The following GUCY1A2 variants were observed in gnomAD, a reference collection of about 807,000 sequenced individuals.
GUCY1A2 encodes the protein guanylate cyclase soluble subunit alpha-2.
In GUCY1A2, 27 loss-of-function variants were observed where a neutral mutation model predicts 63.5. That is an observed-to-expected ratio of 0.43 (90% confidence interval 0.31 to 0.59). GUCY1A2 has a LOEUF of 0.59. GUCY1A2 is among the 20% of genes least tolerant of loss of function. The pLI, the probability that GUCY1A2 is intolerant of heterozygous loss-of-function variation, is 0.11. For synonymous variants in GUCY1A2, 364 were observed against 343.5 expected, an observed-to-expected ratio of 1.06 and a Z score of -0.66; for missense variants, 768 against 913.3, an observed-to-expected ratio of 0.84 and a Z score of 2.05.
Position 106,798,177 on chromosome 11 carries a change from A to G in GUCY1A2, c.1692+11816T>C, listed in dbSNP as rs189861299. Among the ~76,000 whole-genome samples the G allele has an allele frequency of 2.9e-3, 448 of 152,308 alleles. 1 individual carries two copies. Among genetic ancestry groups the G allele is most frequent in the Non-Finnish European group, 5.3e-3 (360 of 68,028 alleles). ...TAGAAAATCTAGAAGAAATGGATAA[A>G]TTCCTGGACACATACACCCTCCCAA... On this transcript the variant is annotated intron_variant, in intron 5 of 7. Coordinates refer to ENST00000526355, the MANE Select transcript of GUCY1A2 (RefSeq NM_000855.3).
chr11:106,949,839 T>C (rs1336317734), intron 3 of GUCY1A2, among the ~76,000 whole-genome samples: 1 of 152,194 alleles, frequency 6.6e-6, no homozygotes, highest in African/African-American at 2.4e-5. Context: ...ACCACTATAG[T>C]AACCCTAATC....
chr11:106,687,489 A>C lies in GUCY1A2; in HGVS notation c.*60T>G. 3 of 1,229,252 alleles carry C rather than the reference A, an allele frequency of 2.4e-6. No individual in the cohort carries two copies. The South Asian group carries it at 3.6e-5, about 15-fold the overall frequency. 76.1% of individuals were successfully genotyped at this position (1,229,252 alleles called of 1,614,324 possible). A position where few individuals can be genotyped will look rare whatever the true frequency, so the allele number is the denominator to read the frequency against. ...GAGACACAATCTCTTTCCACCCCCC[A>C]TTGGTGACCCATGTTCTGGGCTTGT... On this transcript the variant is annotated 3_prime_UTR_variant, in exon 8 of 8. Coordinates refer to ENST00000526355, the MANE Select transcript of GUCY1A2 (RefSeq NM_000855.3).
chr11:106,957,191 G>A (rs1326276257), intron 3 of GUCY1A2, among the ~76,000 whole-genome samples: 3 of 152,156 alleles, frequency 2.0e-5, no homozygotes, highest in Admixed American at 2.0e-4. Flanking sequence ...TGCCCACCCT[G>A]CCCAGGGAGC....
chr11:106,697,061 T>A (rs1469730902), intron 7 of GUCY1A2, among the ~76,000 whole-genome samples: 1 of 152,210 alleles, frequency 6.6e-6, no homozygotes, highest in East Asian at 1.9e-4. Context: ...AGCTTGAGAA[T>A]TTATAAAGTA....
intron 4 of GUCY1A2, among the ~76,000 whole-genome samples, chr11:106,844,065 C>G (rs1334593074): frequency 6.6e-6 from 1 of 151,810 alleles, no homozygotes; most frequent in Non-Finnish European, 1.5e-5. Flanking sequence ...TCTTCTTATA[C>G]AGAGTTCCAA....
At chr11:106,903,633 T>A (rs144809157) in intron 4 of GUCY1A2, among the ~76,000 whole-genome samples, 2 of 152,228 alleles carry the variant, frequency 1.3e-5, no homozygotes, top group African/African-American at 4.8e-5. Context: ...GAACAGAGAG[T>A]CATGCTTTTT....
At chr11:106,776,682 G>C (rs531689689) in intron 5 of GUCY1A2, 100 bp from the exon 6 acceptor site, 515 of 1,111,118 alleles carry the variant, frequency 4.6e-4, no homozygotes, top group Non-Finnish European at 6.2e-4. Flanking sequence ...AAACATGTCG[G>C]CAAAACATCA....
chr11:106,683,570 G>C lies in GUCY1A2; in HGVS notation c.*3979C>G, dbSNP rs577552467. ...TCCTATCCGCCTGAATGAGGCACCA[G>C]CAACCCTTTCTGTAGCCATTCTGGG... is the stretch of plus-strand genomic sequence containing the variant. On this transcript the variant is annotated 3_prime_UTR_variant, in exon 8 of 8. Transcript: ENST00000526355. The C allele has an allele frequency of 1.0e-4, 23 of 228,340 alleles. No individual in the cohort carries two copies. The South Asian group carries it at 2.9e-3, about 29-fold the overall frequency. The allele number at this position is 228,340 out of a possible 1,614,324, so 14.1% of individuals were successfully genotyped here.
At chr11:106,841,746 T>C (rs1180349497) in intron 4 of GUCY1A2, among the ~76,000 whole-genome samples, 1 of 151,912 alleles carries the variant, frequency 6.6e-6, no homozygotes, top group Non-Finnish European at 1.5e-5. Flanking sequence ...TTCTGCTACA[T>C]CTCACTATGT....
chr11:106,778,204 AT>A (rs1353381128), intron 5 of GUCY1A2, among the ~76,000 whole-genome samples: 3 of 152,200 alleles, frequency 2.0e-5, no homozygotes, highest in Admixed American at 1.3e-4. Context: ...GGCTGAAGTG[AT>A]GAAAAATTGT....
chr11:106,944,215 C>CAAAAA (rs71041701), intron 3 of GUCY1A2, among the ~76,000 whole-genome samples: 421 of 21,560 alleles, frequency 0.02, 48 homozygotes, highest in Middle Eastern at 0.026. Context: ...ACCCTGTCTC[C>CAAAAA]AAAAAAAAAA....
intron 6 of GUCY1A2, among the ~76,000 whole-genome samples, chr11:106,758,312 G>A (rs2135389937): frequency 6.6e-6 from 1 of 152,332 alleles, no homozygotes; most frequent in Non-Finnish European, 1.5e-5. Context: ...CCAGGCACCG[G>A]AGGGAATCTC....
At chr11:106,910,758 C>A (rs1031213104) in intron 4 of GUCY1A2, among the ~76,000 whole-genome samples, 4 of 152,042 alleles carry the variant, frequency 2.6e-5, no homozygotes, top group African/African-American at 9.7e-5. Context: ...CTTACAGACC[C>A]CCATCATCCC....
At chr11:106,889,457 C>T (rs1859946015) in intron 4 of GUCY1A2, among the ~76,000 whole-genome samples, 2 of 152,158 alleles carry the variant, frequency 1.3e-5, no homozygotes, top group African/African-American at 4.8e-5. Flanking sequence ...TCCAACCCCT[C>T]ACGTCTCAAG....
At chr11:106,936,515 A>C (rs980740218) in intron 4 of GUCY1A2, 3 of 517,470 alleles carry the variant, frequency 5.8e-6, no homozygotes, top group South Asian at 3.3e-5. Context: ...ACATACGAAT[A>C]CTATAATGAG....
At chr11:106,781,467 C>T (rs1213874401) in intron 5 of GUCY1A2, among the ~76,000 whole-genome samples, 2 of 150,810 alleles carry the variant, frequency 1.3e-5, no homozygotes, top group African/African-American at 4.9e-5. Context: ...TTGCCTATCT[C>T]AGTTTATCTT....
rs573528619 is a variant in GUCY1A2 at position 106,889,516 on chromosome 11, G to GA, written c.1206+49943dup. Among the ~76,000 whole-genome samples the GA allele has an allele frequency of 2.8e-4, 42 of 152,200 alleles. No individual in the cohort carries two copies. The South Asian group carries it at 5.2e-3, about 19-fold the overall frequency. The stretch of plus-strand genomic sequence containing the variant: ...TCTCACAGCTCACTTCCACAGCAAG[G>GA]AAAAATCCAGTGCTAACACATTTAT... On this transcript the variant is annotated intron_variant, in intron 4 of 7. Transcript: ENST00000526355.
chr11:106,944,184 C>T (rs1283978855), intron 3 of GUCY1A2, among the ~76,000 whole-genome samples: 1 of 91,462 alleles, frequency 1.1e-5, no homozygotes, highest in Non-Finnish European at 2.2e-5. Context: ...CACTGCACTC[C>T]AGCCTGGGCA....
rs565777422 is a variant in GUCY1A2 at position 106,970,559 on chromosome 11, C to T, written c.487+8060G>A. On this transcript the variant is annotated intron_variant, in intron 3 of 7. Transcript: ENST00000526355. ...GAGGAAGGCACATGTATTAGAATGGCTAAAATCTAAAAAATGGAAAATACC... is the reference window on the plus strand; with the variant it reads ...GAGGAAGGCACATGTATTAGAATGGTTAAAATCTAAAAAATGGAAAATACC... 2.9e-3 allele frequency among the ~76,000 whole-genome samples: 444 copies of T among 152,116 alleles called. 15 individuals carry two copies. The highest frequency in any genetic ancestry group is 1.9e-3 in the East Asian group (10 of 5,156).
Sources: gnomAD v4.1 joint callset for allele counts (sites outside exome capture counted in the v4.1 genomes callset) on GRCh38, gnomAD v4.1.1 for gene constraint, MANE v1.5 for transcripts, NCBI Gene and HGNC (gene_info 2026-07-23, HGNC 2026-07-21) for gene names.